The following RPP40 variants were observed in gnomAD, a reference collection of about 807,000 sequenced individuals.
RPP40 encodes ribonuclease P protein subunit p40.
Under a neutral mutation model 42.5 loss-of-function variants are expected in RPP40, and 30 were observed. The ratio of observed to expected loss-of-function variants is 0.71; its 90% CI spans 0.53 to 0.96. The LOEUF (loss-of-function observed/expected upper bound fraction) is 0.96, where lower values mean the gene tolerates loss of function less well. Among genes scored for constraint, RPP40 ranks in the 40% least tolerant of loss-of-function variants. RPP40 has a pLI of 0.00. For missense variants in RPP40, 426 were observed against 433.5 expected (o/e 0.98, Z 0.15); for synonymous variants, 173 against 164.0 (o/e 1.05, Z -0.42).
intron 2 of RPP40, among the ~76,000 whole-genome samples, chr6:5,000,899 C>T (rs1435834690): frequency 6.6e-6 from 1 of 150,792 alleles, no homozygotes; most frequent in Non-Finnish European, 1.5e-5. Context: ...ACCAAGCATG[C>T]AGAAGACCAA....
intron 1 of RPP40, chr6:5,003,631 G>T (rs1335864375): frequency 2.4e-6 from 1 of 408,616 alleles, no homozygotes. Context: ...GAACGCCCCT[G>T]ACAACAGCTC....
Position 4,994,966 on chromosome 6 carries a change from T to C in RPP40, c.*112A>G. On this transcript the variant is annotated 3_prime_UTR_variant, in exon 8 of 8. Coordinates refer to ENST00000380051, the MANE Select transcript of RPP40 (RefSeq NM_006638.4). ...AGGGCAGGATGCCAGCAAATGCTGA[T>C]CTGAGAAATGTCACCATCACACAAG... is the stretch of plus-strand genomic sequence containing the variant. The C allele has an allele frequency of 1.0e-6, 1 of 953,060 alleles. No homozygotes were observed. The highest frequency in any genetic ancestry group is 1.6e-6 in the Non-Finnish European group (1 of 644,850). 59.0% of individuals were successfully genotyped at this position (953,060 alleles called of 1,614,324 possible).
At chr6:4,995,850 T>C (rs887467306) in intron 7 of RPP40, 101 bp downstream of exon 7, 3 of 1,180,066 alleles carry the variant, frequency 2.5e-6, no homozygotes, top group Non-Finnish European at 2.4e-6. Flanking sequence ...TCAATGTACA[T>C]TTTATTTATA....
At chr6:5,002,298 C>T in intron 1 of RPP40, 53 bp from the exon 2 acceptor site, 1 of 1,430,226 alleles carries the variant, frequency 7.0e-7, no homozygotes, top group Non-Finnish European at 9.4e-7. Context: ...GATGAACACC[C>T]AGGTTTTTAG....
In RPP40 at chr6:4,995,943, G is replaced by T; in HGVS notation, c.893+8C>A. On this transcript the variant is annotated splice_region_variant and intron_variant, in intron 7 of 7. Coordinates refer to ENST00000380051, the MANE Select transcript of RPP40 (RefSeq NM_006638.4). ...TGATGAGCGATATAAAAGGTAAAGA[G>T]TTCTCACCAGAGATGTTCCAATAGG... is the stretch of plus-strand genomic sequence containing the variant. 1 of 1,613,482 alleles carries T rather than the reference G, an allele frequency of 6.2e-7. No homozygotes were observed. The highest frequency in any genetic ancestry group is 8.5e-7 in the Non-Finnish European group (1 of 1,179,556).
chr6:4,998,380 A>G (rs1561744858), intron 5 of RPP40, among the ~76,000 whole-genome samples: 1 of 152,260 alleles, frequency 6.6e-6, no homozygotes, highest in African/African-American at 2.4e-5. Context: ...AATTGGTGCT[A>G]CTTAAAAATA....
At chr6:4,999,291 A>ATTT (rs145562587) in intron 4 of RPP40, among the ~76,000 whole-genome samples, 4 of 84,282 alleles carry the variant, frequency 4.7e-5, no homozygotes, top group African/African-American at 1.4e-4. Context: ...AGTACTTGGA[A>ATTT]TTTTTTTTTT....
At chr6:4,994,110 G>A (rs1050362647), downstream of RPP40, among the ~76,000 whole-genome samples, 2 of 151,232 alleles carry the variant, frequency 1.3e-5, no homozygotes, top group African/African-American at 2.4e-5. Flanking sequence ...TTATTTTGCA[G>A]CTCTTGTTTT....
downstream of RPP40, among the ~76,000 whole-genome samples, chr6:4,990,912 C>T (rs1759251782): frequency 6.6e-6 from 1 of 152,108 alleles, no homozygotes; most frequent in African/African-American, 2.4e-5. Context: ...TCAATTTCAT[C>T]TATGTTGAAT....
At chr6:5,002,809 T>C (rs149416496) in intron 1 of RPP40, among the ~76,000 whole-genome samples, 37 of 152,314 alleles carry the variant, frequency 2.4e-4, no homozygotes, top group African/African-American at 7.9e-4. Flanking sequence ...ACATCCAAAA[T>C]AGGTGTTAAA....
At chr6:4,994,347 GTAAC>G (rs1759308015), downstream of RPP40, among the ~76,000 whole-genome samples, 1 of 151,924 alleles carries the variant, frequency 6.6e-6, no homozygotes, top group Non-Finnish European at 1.5e-5. Flanking sequence ...GTATACATAT[GTAAC>G]TAACCTGCAC....
intron 1 of RPP40, among the ~76,000 whole-genome samples, chr6:5,002,880 C>T (rs1759606867): frequency 6.6e-6 from 1 of 152,224 alleles, no homozygotes. Context: ...AAGGCTCAAA[C>T]ACCAGCCTGT....
intron 3 of RPP40, 52 bp downstream of exon 3, chr6:5,000,511 A>G (rs1581323441): frequency 6.8e-6 from 6 of 888,718 alleles, no homozygotes; most frequent in Non-Finnish European, 1.0e-5. Context: ...TTTTTTTTAC[A>G]GTATGCATTT....
chr6:4,989,420 A>G, the RPP40 span, among the ~76,000 whole-genome samples: 1 of 148,614 alleles, frequency 6.7e-6, no homozygotes, highest in African/African-American at 2.5e-5. Context: ...GAAGTTCTAC[A>G]AACATTTTAG....
At chr6:4,993,168 T>C (rs1268331432), downstream of RPP40, among the ~76,000 whole-genome samples, 1 of 152,264 alleles carries the variant, frequency 6.6e-6, no homozygotes, top group African/African-American at 2.4e-5. Context: ...GGCATTTTCC[T>C]TCTGCCCAAA....
In RPP40 at chr6:5,003,951, C is replaced by T. The variant is rs1759675548; in HGVS notation, c.52G>A (p.Glu18Lys). ...REAPRHLLVC[E>K]KSNFGNHKSR... ...TTGTGGTTGCCGAAGTTGGATTTCT[C>T]GCAAACCAGTAAGTGCCGCGGCGCC... Residue 18 changes from glutamate (E) to lysine (K), a missense_variant, in exon 1 of 8, where the codon GAG becomes AAG. By Grantham distance (56) the Glu-to-Lys change is moderately conservative. Transcript: ENST00000380051. 2 of 1,613,588 alleles carry T rather than the reference C, an allele frequency of 1.2e-6. No individual in the cohort carries two copies. Among genetic ancestry groups the T allele is most frequent in the Non-Finnish European group, 1.7e-6 (2 of 1,179,750 alleles).
chr6:4,995,895 C>G (rs11755188), intron 7 of RPP40, 56 bp downstream of exon 7: 1 of 1,534,220 alleles, frequency 6.5e-7, no homozygotes, highest in Non-Finnish European at 8.9e-7. Context: ...CTATACTATT[C>G]GACATACTGT....
At chr6:5,003,844 A>T (rs201988532) in intron 1 of RPP40, 36 bp downstream of exon 1, 1 of 1,590,864 alleles carries the variant, frequency 6.3e-7, no homozygotes, top group Non-Finnish European at 8.6e-7. Context: ...GCGGGGACTG[A>T]GCACGGCCCG....
At chr6:4,996,193 T>C (rs777019545) in intron 6 of RPP40, 29 bp downstream of exon 6, 2 of 1,610,892 alleles carry the variant, frequency 1.2e-6, no homozygotes, top group Non-Finnish European at 8.5e-7. Flanking sequence ...GCCAGAGCCC[T>C]GGAAGACACA....
Sources: gnomAD v4.1 joint callset for allele counts (sites outside exome capture counted in the v4.1 genomes callset) on GRCh38, gnomAD v4.1.1 for gene constraint, MANE v1.5 for transcripts, NCBI Gene and HGNC (gene_info 2026-07-23, HGNC 2026-07-21) for gene names.